YIPF4: variants seen among roughly 807,000 people sequenced by gnomAD.
The protein encoded by YIPF4 is Yip1 domain family member 4, also known as protein YIPF4.
A neutral mutation model predicts 29.4 loss-of-function variants in YIPF4; 18 were observed. That is an observed-to-expected ratio of 0.61 (90% confidence interval 0.42 to 0.91). The LOEUF (loss-of-function observed/expected upper bound fraction) is 0.91. Ranked by LOEUF, YIPF4 falls within the 40% of genes least tolerant of loss-of-function variation. The pLI is 0.00. For synonymous variants in YIPF4, 115 were observed against 104.7 expected (o/e 1.10, Z -0.60); for missense variants, 279 against 282.7 (o/e 0.99, Z 0.09).
intron 1 of YIPF4, among the ~76,000 whole-genome samples, chr2:32,278,441 G>A (rs1415402997): frequency 6.6e-6 from 1 of 152,060 alleles, no homozygotes; most frequent in East Asian, 1.9e-4. Flanking sequence ...AAAGCATCAA[G>A]TTACTCGGTC....
chr2:32,294,937 T>C (rs1337456745), intron 3 of YIPF4, among the ~76,000 whole-genome samples: 1 of 151,674 alleles, frequency 6.6e-6, no homozygotes, highest in African/African-American at 2.4e-5. Flanking sequence ...CGTGGCGGCG[T>C]GCGCCTGCAA....
At chr2:32,280,219 C>G (rs982915047) in intron 1 of YIPF4, among the ~76,000 whole-genome samples, 3 of 151,656 alleles carry the variant, frequency 2.0e-5, no homozygotes, top group African/African-American at 7.3e-5. Context: ...GCTCCGCTTC[C>G]CAGGTTCATG....
intron 1 of YIPF4, among the ~76,000 whole-genome samples, chr2:32,280,473 G>A (rs1397782397): frequency 2.7e-5 from 4 of 150,436 alleles, no homozygotes; most frequent in African/African-American, 9.8e-5. Flanking sequence ...TCCGCCTCCC[G>A]GGTTCACGCC....
chr2:32,294,660 G>A (rs1270899070), intron 3 of YIPF4, among the ~76,000 whole-genome samples: 7 of 152,112 alleles, frequency 4.6e-5, no homozygotes, highest in Non-Finnish European at 7.4e-5. Context: ...CTTCCCAGAC[G>A]GGGTGGCGGC....
At position 32,310,806 on chromosome 2, in the gene YIPF4, G is replaced by A. The variant is rs1432286404; in HGVS notation, c.*5180G>A. On this transcript the variant is annotated 3_prime_UTR_variant, in exon 6 of 6. Transcript: ENST00000238831. The stretch of plus-strand genomic sequence containing the variant: ...CAGGAGAATTGCTTGAGCCTGGGAG[G>A]TTGAGGCTGCAGTGAGCCGCGATCA... 3 of 152,116 alleles carry A rather than the reference G, an allele frequency of 2.0e-5. No individual in the cohort carries two copies. The highest frequency in any genetic ancestry group is 6.6e-5 in the Admixed American group (1 of 15,254). The allele number at this position is 152,116 out of a possible 1,614,324, so 9.4% of individuals were successfully genotyped here.
Position 32,306,672 on chromosome 2 carries a change from G to T in YIPF4, c.*1046G>T. The T allele has an allele frequency of 1.1e-6, 1 of 885,658 alleles. No individual in the cohort carries two copies. The highest frequency in any genetic ancestry group is 1.4e-6 in the Non-Finnish European group (1 of 739,230). 54.9% of individuals were successfully genotyped at this position (885,658 alleles called of 1,614,324 possible). ...CAGTTTTTGCTAAGGGAAATATTAAGAAATTTTTATCAGTGAAATATTTGT... is the reference window on the plus strand; with the variant it reads ...CAGTTTTTGCTAAGGGAAATATTAATAAATTTTTATCAGTGAAATATTTGT... On this transcript the variant is annotated 3_prime_UTR_variant, in exon 6 of 6. Transcript: ENST00000238831.
At chr2:32,294,932 C>T (rs557928362) in intron 3 of YIPF4, among the ~76,000 whole-genome samples, 4 of 152,080 alleles carry the variant, frequency 2.6e-5, no homozygotes, top group East Asian at 3.9e-4. Context: ...TCAGGCGTGG[C>T]GGCGTGCGCC....
chr2:32,286,395 ATC>A (rs1225706278), intron 1 of YIPF4, among the ~76,000 whole-genome samples: 1 of 152,212 alleles, frequency 6.6e-6, no homozygotes, highest in Non-Finnish European at 1.5e-5. Context: ...AAGAAATTTC[ATC>A]TTTTTGTTTA....
At chr2:32,301,552 T>C in intron 5 of YIPF4, 57 bp downstream of exon 5, 2 of 1,178,486 alleles carry the variant, frequency 1.7e-6, no homozygotes, top group South Asian at 2.6e-5. Context: ...AAAAGTATAC[T>C]AGGCCTCTAG....
At position 32,301,378 on chromosome 2, in the gene YIPF4, A is replaced by G; in HGVS notation, c.484-4A>G. 6 of 1,576,818 alleles carry G rather than the reference A, an allele frequency of 3.8e-6. No homozygotes were observed. In the African/African-American group the frequency reaches 6.8e-5, roughly 18 times the overall value. ...TATTTATTTGAAATTTTCAAAATTC[A>G]CAGGTTGCATATGGCCAAGTCCTTG... On this transcript the variant is annotated splice_region_variant and splice_polypyrimidine_tract_variant and intron_variant, in intron 4 of 5. Coordinates refer to ENST00000238831, the MANE Select transcript of YIPF4 (RefSeq NM_032312.4).
intron 4 of YIPF4, among the ~76,000 whole-genome samples, chr2:32,299,639 G>A (rs1484233077): frequency 2.0e-5 from 3 of 151,438 alleles, no homozygotes; most frequent in Admixed American, 6.6e-5. Context: ...CCTGGGCAAC[G>A]TAGGGAGACC....
At chr2:32,284,353 G>T (rs1254601665) in intron 1 of YIPF4, among the ~76,000 whole-genome samples, 1 of 152,174 alleles carries the variant, frequency 6.6e-6, no homozygotes, top group Admixed American at 6.5e-5. Flanking sequence ...TAATGGTTTG[G>T]ATTTGTGTCC....
chr2:32,281,280 T>A (rs940078529), intron 1 of YIPF4, among the ~76,000 whole-genome samples: 4 of 151,982 alleles, frequency 2.6e-5, no homozygotes, highest in Admixed American at 1.3e-4. Context: ...TCACTCCCCT[T>A]GCCTAGGGTG....
In YIPF4 at chr2:32,306,305, G is replaced by T. The variant is rs2031579706; in HGVS notation, c.*679G>T. 1.0e-6 allele frequency: 1 copy of T among 985,258 alleles called. No homozygotes were observed. The highest frequency in any genetic ancestry group is 1.7e-5 in the African/African-American group (1 of 57,248). The allele number at this position is 985,258 out of a possible 1,614,324, so 61.0% of individuals were successfully genotyped here. A position where few individuals can be genotyped will look rare whatever the true frequency, so the allele number is the denominator to read the frequency against. On this transcript the variant is annotated 3_prime_UTR_variant, in exon 6 of 6. Coordinates refer to ENST00000238831, the MANE Select transcript of YIPF4 (RefSeq NM_032312.4). The stretch of plus-strand genomic sequence containing the variant: ...TTGCTGATATATATTTGGTTTGTTT[G>T]GGTATACTTTTCAAAACCATTTTTG...
rs1231615178 is a variant in YIPF4, at chr2:32,278,188, C to A, written c.33C>A (p.Ala11=). The A allele has an allele frequency of 1.3e-6, 2 of 1,573,744 alleles. No individual in the cohort carries two copies. The highest frequency in any genetic ancestry group is 1.7e-4 in the Middle Eastern group (1 of 5,850). Residue 11 remains alanine, a synonymous_variant, in exon 1 of 6, where the codon GCC becomes GCA. Coordinates refer to ENST00000238831, the MANE Select transcript of YIPF4 (RefSeq NM_032312.4). The part of the protein sequence containing the change: MQPPGPPPAY[A]PTNGDFTFVS... ...CTCCGGGCCCGCCCCCGGCCTATGC[C>A]CCCACTAACGGGGACTTCACCTTTG...
chr2:32,293,616 A>T (rs942081752), intron 3 of YIPF4, among the ~76,000 whole-genome samples: 9 of 152,178 alleles, frequency 5.9e-5, no homozygotes, highest in African/African-American at 2.2e-4. Context: ...TACACCTCCC[A>T]GACGGGGTGG....
chr2:32,301,879 GT>G (rs2148966939), intron 5 of YIPF4, among the ~76,000 whole-genome samples: 1 of 151,850 alleles, frequency 6.6e-6, no homozygotes, highest in South Asian at 2.1e-4. Context: ...CTAATTTTTT[GT>G]TTTTAGTAGA....
At chr2:32,283,285 C>G (rs1192889771) in intron 1 of YIPF4, among the ~76,000 whole-genome samples, 1 of 152,080 alleles carries the variant, frequency 6.6e-6, no homozygotes, top group Non-Finnish European at 1.5e-5. Context: ...TCCCTGGTTT[C>G]TACACGTCAT....
At chr2:32,282,667 C>G in intron 1 of YIPF4, among the ~76,000 whole-genome samples, 1 of 151,998 alleles carries the variant, frequency 6.6e-6, no homozygotes, top group East Asian at 1.9e-4. Context: ...CTCCTGACCT[C>G]GTGATCCACC....
Sources: gnomAD v4.1 joint callset for allele counts (sites outside exome capture counted in the v4.1 genomes callset) on GRCh38, gnomAD v4.1.1 for gene constraint, MANE v1.5 for transcripts, NCBI Gene and HGNC (gene_info 2026-07-23, HGNC 2026-07-21) for gene names.